NDRG1: variants seen among roughly 807,000 people sequenced by gnomAD.
NDRG1 encodes the protein N-myc downstream regulated 1.
A neutral mutation model predicts 56.9 loss-of-function variants in NDRG1; 32 were observed. The observed-to-expected ratio is 0.56, with a 90% CI of 0.42 to 0.76. The LOEUF is 0.76. Ranked by LOEUF, NDRG1 falls within the 30% of genes least tolerant of loss-of-function variation. The probability of loss-of-function intolerance (pLI) is 0.00; values close to 1 mark genes in which losing one functional copy is unlikely to be tolerated. For synonymous variants in NDRG1, 211 were observed against 204.1 expected (o/e 1.03, Z -0.29); for missense variants, 507 against 545.7 (o/e 0.93, Z 0.71).
At chr8:133,287,951 A>G (rs1858214654) in intron 1 of NDRG1, among the ~76,000 whole-genome samples, 1 of 152,136 alleles carries the variant, frequency 6.6e-6, no homozygotes, top group African/African-American at 2.4e-5. Flanking sequence ...ACACGCACAC[A>G]CACACACACA....
intron 1 of NDRG1, among the ~76,000 whole-genome samples, chr8:133,293,936 C>T (rs1377646576): frequency 3.9e-5 from 6 of 152,206 alleles, no homozygotes; most frequent in African/African-American, 1.4e-4. Flanking sequence ...GACAAAGGGT[C>T]CCAGACTCTG....
Position 133,256,807 on chromosome 8 carries a change from C to T in NDRG1, c.507G>A (p.Ala169=), listed in dbSNP as rs2233331. The T allele has an allele frequency of 2.1e-3, 3,459 of 1,614,186 alleles. 67 individuals carry two copies. The African/African-American group carries it at 0.041, about 19-fold the overall frequency. Residue 169 remains alanine, a synonymous_variant, in exon 8 of 16, where the codon GCG becomes GCA. Coordinates refer to ENST00000323851, the MANE Select transcript of NDRG1 (RefSeq NM_006096.4). ...AGGCGGCCCAGTCCATCCAGCCTTCCGCACAAGGGTTCACGTTGATAAGGA... is the reference window on the plus strand; with the variant it reads ...AGGCGGCCCAGTCCATCCAGCCTTCTGCACAAGGGTTCACGTTGATAAGGA... ...GLVLINVNPC[A]EGWMDWAASK... is the part of the protein sequence containing the mutation.
rs180811211 is a variant in NDRG1 at position 133,297,016 on chromosome 8, G to C, written c.-19+118C>G. The C allele has an allele frequency of 1.9e-5, 3 of 161,120 alleles. No individual in the cohort carries two copies. The Admixed American group carries it at 1.9e-4, about 10-fold the overall frequency. The allele number at this position is 161,120 out of a possible 1,614,324, so 10.0% of individuals were successfully genotyped here. On this transcript the variant is annotated intron_variant, in intron 1 of 15. Coordinates refer to ENST00000323851, the MANE Select transcript of NDRG1 (RefSeq NM_006096.4). ...GGTGACCGCGCACTTGCAGCTCCGG[G>C]GCGCTTACTCCTGGAGTACGCGGGG...
intron 3 of NDRG1, among the ~76,000 whole-genome samples, chr8:133,267,653 C>T (rs1856988394): frequency 6.6e-6 from 1 of 152,214 alleles, no homozygotes; most frequent in Admixed American, 6.5e-5. Flanking sequence ...TGTGGGGGCA[C>T]ATTCTTCATT....
intron 3 of NDRG1, among the ~76,000 whole-genome samples, chr8:133,268,421 T>C (rs575635853): frequency 6.6e-6 from 1 of 152,242 alleles, no homozygotes; most frequent in African/African-American, 2.4e-5. Context: ...AACCTCAGCC[T>C]GAGCAGGACT....
chr8:133,250,069 C>T (rs1172138889), intron 10 of NDRG1, among the ~76,000 whole-genome samples: 1 of 152,240 alleles, frequency 6.6e-6, no homozygotes, highest in African/African-American at 2.4e-5. Context: ...CCTGGATTAT[C>T]CCCGGCCTCC....
rs75259578 is a variant in NDRG1, at chr8:133,254,903, C to A, written c.538-308G>T. The A allele has an allele frequency of 3.8e-4, 158 of 419,138 alleles. No individual in the cohort carries two copies. In the East Asian group the frequency reaches 7.0e-3, roughly 19 times the overall value. The allele number at this position is 419,138 out of a possible 1,614,324, so 26.0% of individuals were successfully genotyped here. A position where few individuals can be genotyped will look rare whatever the true frequency, so the allele number is the denominator to read the frequency against. ...GCTAGCTTACCCTGCTCCAAACATTCACCAAGTCCTCAGCAAAGAGGGCCA... is the reference window on the plus strand; with the variant it reads ...GCTAGCTTACCCTGCTCCAAACATTAACCAAGTCCTCAGCAAAGAGGGCCA... On this transcript the variant is annotated intron_variant, in intron 8 of 15. Coordinates refer to ENST00000323851, the MANE Select transcript of NDRG1 (RefSeq NM_006096.4).
At position 133,246,640 on chromosome 8, in the gene NDRG1, G is replaced by A. The variant is rs751910833; in HGVS notation, c.831C>T (p.Asp277=). ...DAVVECNSKL[D]PTKTTLLKMA... ...CCTTGAGGAGAGTGGTCTTTGTTGG[G>A]TCCAATTTTGAGTTGCACTCCACCT... Residue 277 remains aspartate, a synonymous_variant, in exon 13 of 16, where the codon GAC becomes GAT. Transcript: ENST00000323851. The A allele has an allele frequency of 6.2e-7, 1 of 1,614,138 alleles. No individual in the cohort carries two copies. Among genetic ancestry groups the A allele is most frequent in the Non-Finnish European group, 8.5e-7 (1 of 1,180,018 alleles).
chr8:133,249,572 T>A (rs1455229027), intron 10 of NDRG1: 2 of 153,916 alleles, frequency 1.3e-5, no homozygotes, highest in East Asian at 1.9e-4. Context: ...AAGTTAACAG[T>A]GTGGAGTCTG....
chr8:133,240,976 G>A (rs1855347595), intron 15 of NDRG1: 1 of 152,200 alleles, frequency 6.6e-6, no homozygotes, highest in South Asian at 2.1e-4. Flanking sequence ...AGGGCACCTG[G>A]GGATGTGGAT....
intron 14 of NDRG1, among the ~76,000 whole-genome samples, chr8:133,242,657 AAAG>A (rs1169492240): frequency 2.0e-5 from 3 of 152,062 alleles, no homozygotes; most frequent in South Asian, 2.1e-4. Flanking sequence ...AGGCTGGCTG[AAAG>A]AAGGGATGAT....
intron 2 of NDRG1, 92 bp downstream of exon 2, chr8:133,284,157 G>T: frequency 2.5e-6 from 3 of 1,180,646 alleles, no homozygotes; most frequent in Non-Finnish European, 2.5e-6. Context: ...GTGTTTGCAT[G>T]CCCATAAGTA....
intron 1 of NDRG1, among the ~76,000 whole-genome samples, chr8:133,294,625 G>A (rs1229877406): frequency 1.3e-5 from 2 of 151,508 alleles, no homozygotes; most frequent in African/African-American, 2.4e-5. Flanking sequence ...GGATTTCAAC[G>A]TAACCCAGGG....
intron 3 of NDRG1, among the ~76,000 whole-genome samples, chr8:133,275,548 C>T (rs753658675): frequency 6.6e-6 from 1 of 152,122 alleles, no homozygotes; most frequent in Admixed American, 6.5e-5. Flanking sequence ...AGTGCAATGT[C>T]ACCACTTAAA....
intron 5 of NDRG1, 140 bp downstream of exon 5, chr8:133,261,907 C>A: frequency 8.1e-7 from 1 of 1,241,220 alleles, no homozygotes; most frequent in Non-Finnish European, 1.1e-6. Flanking sequence ...GTATCTTTTC[C>A]CACAATTTAA....
chr8:133,264,924 C>T (rs1345090078), intron 3 of NDRG1: 1 of 502,766 alleles, frequency 2.0e-6, no homozygotes, highest in Non-Finnish European at 3.6e-6. Context: ...TGCCCGCCAC[C>T]ATCTCTGCCC....
At chr8:133,274,469 C>T (rs1857353872) in intron 3 of NDRG1, among the ~76,000 whole-genome samples, 1 of 152,240 alleles carries the variant, frequency 6.6e-6, no homozygotes, top group African/African-American at 2.4e-5. Context: ...GCGACTCAGA[C>T]TCCTTAGACT....
At chr8:133,264,523 G>T in intron 4 of NDRG1, 24 bp downstream of exon 4, 1 of 1,605,586 alleles carries the variant, frequency 6.2e-7, no homozygotes, top group Non-Finnish European at 8.5e-7. Flanking sequence ...GGCTGACAGG[G>T]AATCAGAGCT....
At position 133,287,719 on chromosome 8, in the gene NDRG1, C is replaced by T. The variant is rs61117580; in HGVS notation, c.-18-3390G>A. ...TCTGCCTTAGGGGCTGCCCTGAGCA[C>T]GGGAGGAGGCTCAGCAGCATCCCTG... On this transcript the variant is annotated intron_variant, in intron 1 of 15. Transcript: ENST00000323851. 4.0e-3 allele frequency among the ~76,000 whole-genome samples: 613 copies of T among 152,300 alleles called. 6 individuals carry two copies. The highest frequency in any genetic ancestry group is 0.013 in the African/African-American group (546 of 41,568).
Sources: allele counts gnomAD v4.1 joint callset (sites outside exome capture counted in the v4.1 genomes callset), GRCh38; gene constraint gnomAD v4.1.1; transcripts MANE v1.5; gene names NCBI Gene and HGNC (gene_info 2026-07-23, HGNC 2026-07-21).